Variants in RNF220 observed in about 807,000 individuals in gnomAD.
The protein encoded by RNF220 is E3 ubiquitin-protein ligase RNF220.
In RNF220, 7 loss-of-function variants were observed where a neutral mutation model predicts 67.1. The ratio of observed to expected loss-of-function variants is 0.10; its 90% CI spans 0.06 to 0.20. The LOEUF (loss-of-function observed/expected upper bound fraction) is 0.20. Ranked by LOEUF, RNF220 falls within the 10% of genes least tolerant of loss-of-function variation. RNF220 has a pLI of 1.00. For missense variants in RNF220, 565 were observed against 740.3 expected, an observed-to-expected ratio of 0.76 and a Z score of 2.75; for synonymous variants, 270 against 283.2, an observed-to-expected ratio of 0.95 and a Z score of 0.47.
At chr1:44,648,079 C>G (rs1468726501) in intron 12 of RNF220, among the ~76,000 whole-genome samples, 1 of 152,228 alleles carries the variant, frequency 6.6e-6, no homozygotes, top group Non-Finnish European at 1.5e-5. Context: ...GCTCTTGGGC[C>G]TCTTGGCCTC....
At chr1:44,525,351 TC>T (rs1178091202) in intron 2 of RNF220, among the ~76,000 whole-genome samples, 2 of 152,214 alleles carry the variant, frequency 1.3e-5, no homozygotes, top group African/African-American at 2.4e-5. Context: ...AGAGGCAGCG[TC>T]CTGCACGCCT....
chr1:44,446,699 C>T (rs889603457), intron 2 of RNF220, among the ~76,000 whole-genome samples: 2 of 152,016 alleles, frequency 1.3e-5, no homozygotes, highest in African/African-American at 4.8e-5. Flanking sequence ...GCTGGGATTA[C>T]AGGCACATGC....
rs112479202 is a variant in RNF220, at chr1:44,423,854, T to C, written c.625+11132T>C. ...TGACTTTCGCGAGGGAGGTTAGGCA[T>C]GTAGTGCCAAGAGTATTGAAGAAGG... On this transcript the variant is annotated intron_variant, in intron 2 of 14. Transcript: ENST00000361799. 4,085 of 985,358 alleles carry C rather than the reference T, an allele frequency of 4.1e-3. 139 individuals are homozygous for C. In the African/African-American group the frequency reaches 0.067, roughly 16 times the overall value. 61.0% of individuals were successfully genotyped at this position (985,358 alleles called of 1,614,324 possible). A position where few individuals can be genotyped will look rare whatever the true frequency, so the allele number is the denominator to read the frequency against.
At chr1:44,440,194 G>T (rs941616087) in intron 2 of RNF220, among the ~76,000 whole-genome samples, 2 of 152,198 alleles carry the variant, frequency 1.3e-5, no homozygotes, top group African/African-American at 4.8e-5. Flanking sequence ...AGTCCCATCA[G>T]CTACAGCTCA....
chr1:44,560,269 C>T (rs142521196), intron 2 of RNF220, among the ~76,000 whole-genome samples: 1,816 of 152,220 alleles, frequency 0.012, 39 homozygotes, highest in African/African-American at 0.042. Flanking sequence ...CTACCGCTCT[C>T]CCCAGTTCAG....
chr1:44,511,392 A>G lies in RNF220; in HGVS notation c.625+98670A>G, dbSNP rs907395520. Among the ~76,000 whole-genome samples, 6 of 152,190 alleles carry G rather than the reference A, an allele frequency of 3.9e-5. No homozygotes were observed. In the East Asian group the frequency reaches 1.2e-3, roughly 29 times the overall value. ...AGCAATATATTGAGGGTGAGGGGAA[A>G]GGAAAGGTGGGGGACAGACCAGTGA... is the stretch of plus-strand genomic sequence containing the variant. On this transcript the variant is annotated intron_variant, in intron 2 of 14. Transcript: ENST00000361799.
chr1:44,442,522 T>TTC, intron 2 of RNF220, among the ~76,000 whole-genome samples: 1 of 150,712 alleles, frequency 6.6e-6, no homozygotes, highest in African/African-American at 2.4e-5. Flanking sequence ...CTCTTTTTTT[T>TTC]TTTTTTTTTG....
rs192117348 is a variant in RNF220, at chr1:44,471,689, G to A, written c.625+58967G>A. On this transcript the variant is annotated intron_variant, in intron 2 of 14. Transcript: ENST00000361799. ...AAATACAAAAAATTGGCTGGGCGTGGTGGCACATGCCTGTAATCCCAGCTT... is the reference window on the plus strand; with the variant it reads ...AAATACAAAAAATTGGCTGGGCGTGATGGCACATGCCTGTAATCCCAGCTT... Among the ~76,000 whole-genome samples the A allele has an allele frequency of 8.1e-4, 123 of 152,110 alleles. 1 individual carries two copies. Among genetic ancestry groups the A allele is most frequent in the African/African-American group, 2.8e-3 (116 of 41,506 alleles).
intron 3 of RNF220, among the ~76,000 whole-genome samples, chr1:44,617,968 C>T (rs1004212662): frequency 1.3e-5 from 2 of 152,158 alleles, no homozygotes; most frequent in African/African-American, 4.8e-5. Context: ...CCTGCCTTTG[C>T]CTCCATTGCC....
intron 2 of RNF220, among the ~76,000 whole-genome samples, chr1:44,473,124 G>A (rs968701785): frequency 2.0e-5 from 3 of 152,186 alleles, no homozygotes; most frequent in Non-Finnish European, 2.9e-5. Flanking sequence ...AATAGCAGCC[G>A]TTTGTTCTGG....
chr1:44,426,430 A>C (rs932352341), intron 2 of RNF220, among the ~76,000 whole-genome samples: 9 of 152,196 alleles, frequency 5.9e-5, no homozygotes, highest in African/African-American at 2.2e-4. Context: ...CAAGAATTTG[A>C]AAAAGGCTTT....
chr1:44,463,713 A>G (rs1199847275), intron 2 of RNF220, among the ~76,000 whole-genome samples: 1 of 152,174 alleles, frequency 6.6e-6, no homozygotes, highest in African/African-American at 2.4e-5. Flanking sequence ...CCATGTAGAC[A>G]TTTTAGATGT....
At position 44,610,590 on chromosome 1, in the gene RNF220, G is replaced by A. The variant is rs138795519; in HGVS notation, c.626-3575G>A. Among the ~76,000 whole-genome samples, 508 of 152,304 alleles carry A rather than the reference G, an allele frequency of 3.3e-3. 5 individuals carry two copies. Among genetic ancestry groups the A allele is most frequent in the African/African-American group, 0.012 (485 of 41,570 alleles). ...TGGCAAAAGGGTTTGGCCAGCTTTT[G>A]GGGGTTGGGGAGTGTCATGAGCTGG... On this transcript the variant is annotated intron_variant, in intron 2 of 14. Transcript: ENST00000361799.
chr1:44,623,122 T>C (rs1573083466), intron 4 of RNF220, among the ~76,000 whole-genome samples: 1 of 152,106 alleles, frequency 6.6e-6, no homozygotes, highest in East Asian at 1.9e-4. Flanking sequence ...AAGTGAGCTA[T>C]AGCAGATGAA....
At chr1:44,488,775 G>A (rs1474881629) in intron 2 of RNF220, among the ~76,000 whole-genome samples, 1 of 137,658 alleles carries the variant, frequency 7.3e-6, no homozygotes, top group African/African-American at 2.8e-5. Flanking sequence ...CTGTCACCCA[G>A]GCTGGAGTGC....
At chr1:44,436,256 G>A (rs546902927) in intron 2 of RNF220, among the ~76,000 whole-genome samples, 40 of 152,250 alleles carry the variant, frequency 2.6e-4, no homozygotes, top group African/African-American at 7.2e-4. Flanking sequence ...GGGCCTCTGG[G>A]GGGCCCAGCA....
chr1:44,415,820 T>A (rs1030535947), intron 2 of RNF220, among the ~76,000 whole-genome samples: 2 of 152,168 alleles, frequency 1.3e-5, no homozygotes, highest in African/African-American at 4.8e-5. Context: ...CAGTTTTTAC[T>A]GCTGCAGCCA....
At chr1:44,521,777 G>A (rs888628242) in intron 2 of RNF220, among the ~76,000 whole-genome samples, 2 of 152,162 alleles carry the variant, frequency 1.3e-5, no homozygotes, top group South Asian at 2.1e-4. Context: ...TGTATGCACG[G>A]TGAAGAGACC....
chr1:44,447,825 A>T (rs747965732), intron 2 of RNF220, among the ~76,000 whole-genome samples: 7 of 152,164 alleles, frequency 4.6e-5, no homozygotes, highest in Admixed American at 1.3e-4. Context: ...TCCAAAGCTG[A>T]TGCTCTGCCC....
Sources: gnomAD v4.1 joint callset for allele counts (sites outside exome capture counted in the v4.1 genomes callset) on GRCh38, gnomAD v4.1.1 for gene constraint, MANE v1.5 for transcripts, NCBI Gene and HGNC (gene_info 2026-07-23, HGNC 2026-07-21) for gene names.